The following MAPRE3 variants were observed in gnomAD, a reference collection of about 807,000 sequenced individuals.
MAPRE3 encodes microtubule-associated protein RP/EB family member 3.
MAPRE3 carries 2 observed loss-of-function variants against 30.5 expected under a neutral mutation model. That is an observed-to-expected ratio of 0.07 (90% CI 0.03 to 0.21). The LOEUF is 0.21. Ranked by LOEUF, MAPRE3 falls within the 10% of genes least tolerant of loss-of-function variation. The pLI is 1.00. For synonymous variants in MAPRE3, 110 were observed against 127.7 expected (o/e 0.86, Z 0.93); for missense variants, 204 against 351.8 (o/e 0.58, Z 3.36).
intron 1 of MAPRE3, chr2:26,995,435 A>G (rs1666430154): frequency 6.6e-6 from 1 of 152,252 alleles, no homozygotes; most frequent in African/African-American, 2.4e-5. Context: ...CTGCAAGTTG[A>G]TCCTGGAACA....
At chr2:27,020,985 G>GA (rs201349220) in intron 1 of MAPRE3, among the ~76,000 whole-genome samples, 8 of 149,856 alleles carry the variant, frequency 5.3e-5, no homozygotes, top group East Asian at 1.9e-4. Context: ...AAATATTCAG[G>GA]AAAAAAAAAG....
At chr2:26,987,940 G>A (rs1369603758) in intron 1 of MAPRE3, among the ~76,000 whole-genome samples, 1 of 152,178 alleles carries the variant, frequency 6.6e-6, no homozygotes, top group African/African-American at 2.4e-5. Flanking sequence ...TAACACAAAG[G>A]TCTGAGACTC....
intron 1 of MAPRE3, among the ~76,000 whole-genome samples, chr2:26,971,051 C>T (rs1244652408): frequency 1.3e-5 from 2 of 151,232 alleles, no homozygotes; most frequent in Admixed American, 6.6e-5. Context: ...CTCCGTCTCT[C>T]CGGGTCCACC....
At chr2:26,978,360 T>C (rs1289039836) in intron 1 of MAPRE3, among the ~76,000 whole-genome samples, 4 of 152,198 alleles carry the variant, frequency 2.6e-5, no homozygotes, top group Non-Finnish European at 4.4e-5. Context: ...CACGCAGGCT[T>C]ATCTCCAGTG....
rs959675787 is a variant in MAPRE3 at position 27,023,965 on chromosome 2, G to A, written c.268-131G>A. On this transcript the variant is annotated intron_variant, in intron 3 of 6. Transcript: ENST00000233121. ...TGTCTGCTCTGGTGCCGTGGGAGGG[G>A]GGCAAGTGGAGAAGGTGGAGGACGC... is the stretch of plus-strand genomic sequence containing the variant. 258 of 668,012 alleles carry A rather than the reference G, an allele frequency of 3.9e-4. 1 individual carries two copies. Among genetic ancestry groups the A allele is most frequent in the Non-Finnish European group, 8.6e-5 (33 of 382,008 alleles). The allele number at this position is 668,012 out of a possible 1,614,324, so 41.4% of individuals were successfully genotyped here. A position where few individuals can be genotyped will look rare whatever the true frequency, so the allele number is the denominator to read the frequency against.
intron 1 of MAPRE3, among the ~76,000 whole-genome samples, chr2:27,019,730 T>A (rs1476317077): frequency 6.6e-6 from 1 of 152,190 alleles, no homozygotes; most frequent in Non-Finnish European, 1.5e-5. Flanking sequence ...CCGCCTGGCC[T>A]CCCTTTGCCT....
chr2:26,995,829 G>GTGTGTGTGTGTATA (rs1335864863), intron 1 of MAPRE3, among the ~76,000 whole-genome samples: 1 of 147,008 alleles, frequency 6.8e-6, no homozygotes, highest in African/African-American at 2.6e-5. Context: ...GTGTGTGTGT[G>GTGTGTGTGTGTATA]TATGTGTGTG....
At position 26,981,481 on chromosome 2, in the gene MAPRE3, G is replaced by T. The variant is rs1287580083; in HGVS notation, c.-8+10679G>T. ...AGGGATGAGCAGTAAGGAGGCCACT[G>T]ACAGAGGAAGATTTTCATATTAAAA... On this transcript the variant is annotated intron_variant, in intron 1 of 6. Transcript: ENST00000233121. Among the ~76,000 whole-genome samples the T allele has an allele frequency of 4.6e-5, 7 of 152,280 alleles. No individual in the cohort carries two copies. In the East Asian group the frequency reaches 1.4e-3, roughly 29 times the overall value.
At chr2:27,006,634 A>G (rs1000481438) in intron 1 of MAPRE3, among the ~76,000 whole-genome samples, 1 of 151,974 alleles carries the variant, frequency 6.6e-6, no homozygotes, top group Non-Finnish European at 1.5e-5. Flanking sequence ...GGGTCATGCT[A>G]TGTTGCCCAG....
At chr2:27,024,062 G>A (rs1667177202) in intron 3 of MAPRE3, 34 bp from the exon 4 acceptor site, 2 of 1,551,648 alleles carry the variant, frequency 1.3e-6, no homozygotes, top group East Asian at 4.5e-5. Flanking sequence ...AGCAGCAGGT[G>A]GCTAAAGTAC....
rs1443801695 is a variant in MAPRE3 at position 27,015,215 on chromosome 2, G to A, written c.-7-6997G>A. Among the ~76,000 whole-genome samples the A allele has an allele frequency of 6.6e-6, 1 of 152,252 alleles. No homozygotes were observed. Among genetic ancestry groups the A allele is most frequent in the Non-Finnish European group, 1.5e-5 (1 of 68,046 alleles). On this transcript the variant is annotated intron_variant, in intron 1 of 6. Coordinates refer to ENST00000233121, the MANE Select transcript of MAPRE3 (RefSeq NM_012326.4). The surrounding 1 kb of genome is among the most constrained non-coding windows in gnomAD (Gnocchi z 4.0). Reference sequence around the variant, plus strand: ...AAATGCCCTTAGATTCTCACTGTCTGTCCCCGCGATGCTGACAGCACTTGC... The same window carrying A: ...AAATGCCCTTAGATTCTCACTGTCTATCCCCGCGATGCTGACAGCACTTGC...
chr2:26,999,463 T>C lies in MAPRE3; in HGVS notation c.-7-22749T>C, dbSNP rs568120459. Among the ~76,000 whole-genome samples, 44 of 150,032 alleles carry C rather than the reference T, an allele frequency of 2.9e-4. No homozygotes were observed. In the South Asian group the frequency reaches 9.1e-3, roughly 31 times the overall value. On this transcript the variant is annotated intron_variant, in intron 1 of 6. Coordinates refer to ENST00000233121, the MANE Select transcript of MAPRE3 (RefSeq NM_012326.4). The stretch of plus-strand genomic sequence containing the variant: ...AGGATTAGGGTCCAACTACATGCAC[T>C]TTTTTCTTCTTTCTTTCCTTCTTTC...
chr2:27,003,561 C>T (rs1008202569), intron 1 of MAPRE3, among the ~76,000 whole-genome samples: 1 of 152,188 alleles, frequency 6.6e-6, no homozygotes. Context: ...CTGTCAGTTA[C>T]CATCACCACT....
rs149518410 is a variant in MAPRE3 at position 27,010,781 on chromosome 2, C to G, written c.-7-11431C>G. ...CATTTCAAATTTTAACTGAAAGAAC[C>G]AAAATGCTCTCCACCCTGCAGGCAG... is the stretch of plus-strand genomic sequence containing the variant. On this transcript the variant is annotated intron_variant, in intron 1 of 6. Coordinates refer to ENST00000233121, the MANE Select transcript of MAPRE3 (RefSeq NM_012326.4). 9.3e-3 allele frequency among the ~76,000 whole-genome samples: 1,421 copies of G among 152,274 alleles called. 11 individuals are homozygous for G. Among genetic ancestry groups the G allele is most frequent in the Middle Eastern group, 0.017 (5 of 294 alleles).
chr2:26,973,709 C>T (rs1409332098), intron 1 of MAPRE3, among the ~76,000 whole-genome samples: 1 of 152,052 alleles, frequency 6.6e-6, no homozygotes, highest in Non-Finnish European at 1.5e-5. Context: ...GCGCCCGCCA[C>T]CGCGCCCGGC....
chr2:27,000,031 A>G (rs1666557410), intron 1 of MAPRE3, among the ~76,000 whole-genome samples: 1 of 152,212 alleles, frequency 6.6e-6, no homozygotes, highest in African/African-American at 2.4e-5. Flanking sequence ...TTGTTTTCAA[A>G]CTACTTATCT....
At chr2:26,994,341 T>C (rs540972501) in intron 1 of MAPRE3, among the ~76,000 whole-genome samples, 1 of 152,342 alleles carries the variant, frequency 6.6e-6, no homozygotes, top group Non-Finnish European at 1.5e-5. Flanking sequence ...TTTATAAGCA[T>C]GAAATCAGAG....
chr2:27,018,788 T>G (rs72852958), intron 1 of MAPRE3, among the ~76,000 whole-genome samples: 1,799 of 152,238 alleles, frequency 0.012, 44 homozygotes, highest in African/African-American at 0.041. Context: ...CCAATATGGT[T>G]AGGCAGTTAT....
chr2:26,997,108 T>A (rs541128701), intron 1 of MAPRE3, among the ~76,000 whole-genome samples: 6 of 152,166 alleles, frequency 3.9e-5, no homozygotes, highest in Non-Finnish European at 7.4e-5. Flanking sequence ...GAAAAAAAAA[T>A]TAAATGGCAA....
Sources: allele counts gnomAD v4.1 joint callset (sites outside exome capture counted in the v4.1 genomes callset), GRCh38; gene constraint gnomAD v4.1.1; non-coding constraint Gnocchi (gnomAD v3.1); transcripts MANE v1.5; gene names NCBI Gene and HGNC (gene_info 2026-07-23, HGNC 2026-07-21).